The following MPDZ variants were observed in gnomAD, a reference collection of about 807,000 sequenced individuals.
The protein encoded by MPDZ is multiple PDZ domain crumbs cell polarity complex component.
A neutral mutation model predicts 239.1 loss-of-function variants in MPDZ; 234 were observed. The observed-to-expected ratio is 0.98, with a 90% confidence interval of 0.88 to 1.09. MPDZ has a LOEUF of 1.09. Among genes scored for constraint, MPDZ ranks in the 50% least tolerant of loss-of-function variants. MPDZ has a pLI of 0.00. For synonymous variants in MPDZ, 1,048 were observed against 881.3 expected (o/e 1.19, Z -3.35); for missense variants, 3,175 against 2,510.0 (o/e 1.26, Z -5.66).
intron 1 of MPDZ, among the ~76,000 whole-genome samples, chr9:13,271,603 T>C (rs1972972691): frequency 6.6e-6 from 1 of 152,174 alleles, no homozygotes; most frequent in Non-Finnish European, 1.5e-5. Context: ...CCCATGAATA[T>C]GAAATTAAAA....
At chr9:13,123,781 C>T (rs1944722113) in intron 35 of MPDZ, among the ~76,000 whole-genome samples, 1 of 152,174 alleles carries the variant, frequency 6.6e-6, no homozygotes, top group East Asian at 1.9e-4. Flanking sequence ...CTGATGCCTG[C>T]TTTTCGGGGC....
chr9:13,250,878 C>T (rs945234591), intron 1 of MPDZ, among the ~76,000 whole-genome samples: 1 of 151,996 alleles, frequency 6.6e-6, no homozygotes. Flanking sequence ...TCTTTAATCC[C>T]AGCACTTCGG....
chr9:13,217,103 T>C, intron 9 of MPDZ, 77 bp downstream of exon 9: 2 of 1,055,274 alleles, frequency 1.9e-6, no homozygotes, highest in Non-Finnish European at 2.8e-6. Flanking sequence ...ACATGTAATA[T>C]CAACTCAATA....
intron 19 of MPDZ, among the ~76,000 whole-genome samples, chr9:13,179,536 T>C (rs894625299): frequency 1.3e-5 from 2 of 152,150 alleles, no homozygotes; most frequent in African/African-American, 4.8e-5. Context: ...CAGAAACGTT[T>C]CTGGTTGCTC....
chr9:13,267,595 A>G (rs1554732710), intron 1 of MPDZ, among the ~76,000 whole-genome samples: 2 of 152,224 alleles, frequency 1.3e-5, no homozygotes, highest in African/African-American at 2.4e-5. Flanking sequence ...TGAAAATTGC[A>G]AACTACAAAA....
intron 3 of MPDZ, among the ~76,000 whole-genome samples, chr9:13,234,898 A>G (rs573889078): frequency 6.6e-6 from 1 of 152,222 alleles, no homozygotes; most frequent in African/African-American, 2.4e-5. Context: ...ATTTACCAAA[A>G]ATGCTGTAAA....
chr9:13,111,800 A>C (rs1442361561), intron 43 of MPDZ, among the ~76,000 whole-genome samples: 3 of 152,202 alleles, frequency 2.0e-5, no homozygotes. Context: ...TGTATTAGGA[A>C]ACAACTATAA....
At chr9:13,167,276 G>A (rs944052897) in intron 22 of MPDZ, among the ~76,000 whole-genome samples, 1 of 151,892 alleles carries the variant, frequency 6.6e-6, no homozygotes, top group African/African-American at 2.4e-5. Flanking sequence ...GGCAGTTAAG[G>A]AACAGTAATA....
intron 19 of MPDZ, among the ~76,000 whole-genome samples, chr9:13,182,687 T>C (rs1953514936): frequency 6.6e-6 from 1 of 152,134 alleles, no homozygotes; most frequent in Non-Finnish European, 1.5e-5. Context: ...TCATTCTCAT[T>C]AGTAATCAGG....
chr9:13,263,846 C>T (rs897753971), intron 1 of MPDZ, among the ~76,000 whole-genome samples: 1 of 152,156 alleles, frequency 6.6e-6, no homozygotes, highest in African/African-American at 2.4e-5. Context: ...TTAAATAAAA[C>T]TTATATATCT....
At chr9:13,126,921 T>G (rs902105871) in intron 32 of MPDZ, 149 bp from the exon 33 acceptor site, 1 of 642,290 alleles carries the variant, frequency 1.6e-6, no homozygotes, top group Non-Finnish European at 2.6e-6. Flanking sequence ...TTAGAAATCT[T>G]GTCTTTTCTT....
chr9:13,121,709 G>T (rs1049541267), intron 38 of MPDZ, 30 bp downstream of exon 38: 2 of 1,608,066 alleles, frequency 1.2e-6, no homozygotes, highest in Non-Finnish European at 1.7e-6. Context: ...ATTTCCAAGG[G>T]AGCATTGGGT....
At chr9:13,251,077 C>T (rs1453416845) in intron 1 of MPDZ, among the ~76,000 whole-genome samples, 4 of 134,222 alleles carry the variant, frequency 3.0e-5, no homozygotes, top group Admixed American at 8.6e-5. Flanking sequence ...TGCGGTGAGC[C>T]GAGATCATGC....
At chr9:13,258,118 T>C (rs1969861730) in intron 1 of MPDZ, among the ~76,000 whole-genome samples, 1 of 152,220 alleles carries the variant, frequency 6.6e-6, no homozygotes, top group African/African-American at 2.4e-5. Flanking sequence ...GAATATTTGG[T>C]ATTATTTAGA....
At position 13,219,706 on chromosome 9, in the gene MPDZ, C is replaced by G. The variant is rs367933831; in HGVS notation, c.939G>C (p.Met313Ile). The change falls in exon 8 of 47, where the codon ATG (methionine) becomes ATC (isoleucine). Residue 313 changes from methionine (M) to isoleucine (I), a missense_variant. Met to Ile is a conservative substitution (Grantham distance 10). Coordinates refer to ENST00000319217, the MANE Select transcript of MPDZ (RefSeq NM_001378778.1). ...GGACTTGTGCTACTTGCTCACTGCT[C>G]ATTCCTGCTAGATCTGTGTCACCAA... ...LKIGDTDLAGMSSEQVAQVLR... is the reference protein window; with the variant it reads ...LKIGDTDLAGISSEQVAQVLR... 6.2e-7 allele frequency: 1 copy of G among 1,612,684 alleles called. No individual in the cohort carries two copies. The highest frequency in any genetic ancestry group is 8.5e-7 in the Non-Finnish European group (1 of 1,179,242).
chr9:13,211,088 G>A (rs191522883), intron 10 of MPDZ, among the ~76,000 whole-genome samples: 7 of 152,158 alleles, frequency 4.6e-5, no homozygotes, highest in East Asian at 1.9e-4. Context: ...AGTTCATAGC[G>A]GGCTTCTAAT....
At chr9:13,208,727 G>A (rs1323276108) in intron 10 of MPDZ, among the ~76,000 whole-genome samples, 1 of 150,532 alleles carries the variant, frequency 6.6e-6, no homozygotes, top group Non-Finnish European at 1.5e-5. Flanking sequence ...GAAGAAAGAG[G>A]GAAAATGAGT....
intron 26 of MPDZ, 72 bp downstream of exon 26, chr9:13,147,476 G>A: frequency 1.8e-6 from 2 of 1,105,408 alleles, no homozygotes; most frequent in East Asian, 2.4e-5. Context: ...CAGACAACTT[G>A]GCCCTTGATA....
At position 13,156,696 on chromosome 9, in the gene MPDZ, T is replaced by A. The variant is rs944455821; in HGVS notation, c.3452+1322A>T. On this transcript the variant is annotated intron_variant, in intron 24 of 46. Coordinates refer to ENST00000319217, the MANE Select transcript of MPDZ (RefSeq NM_001378778.1). ...ACTATATCACCTTCTAAAATCTACT[T>A]TTCCTCTCATAATATTGTTACTAAA... Among the ~76,000 whole-genome samples the A allele has an allele frequency of 4.6e-5, 7 of 152,226 alleles. 1 individual carries two copies. In the South Asian group the frequency reaches 1.4e-3, roughly 32 times the overall value.
Sources: allele counts gnomAD v4.1 joint callset (sites outside exome capture counted in the v4.1 genomes callset), GRCh38; gene constraint gnomAD v4.1.1; transcripts MANE v1.5; gene names NCBI Gene and HGNC (gene_info 2026-07-23, HGNC 2026-07-21).